Variants in CCDC186 observed in about 807,000 individuals in gnomAD.
The protein encoded by CCDC186 is coiled-coil domain-containing protein 186.
Under a neutral mutation model 113.7 loss-of-function variants are expected in CCDC186, and 49 were observed. That is an observed-to-expected ratio of 0.43 (90% CI 0.34 to 0.55). The LOEUF is 0.55. Among genes scored for constraint, CCDC186 ranks in the 20% least tolerant of loss-of-function variants. The probability of loss-of-function intolerance (pLI) is 0.02; values close to 1 mark genes in which losing one functional copy is unlikely to be tolerated. For missense variants in CCDC186, 890 were observed against 1,011.1 expected (o/e 0.88, Z 1.62); for synonymous variants, 355 against 345.8 (o/e 1.03, Z -0.30).
At chr10:114,146,246 T>G (rs764168582) in intron 4 of CCDC186, among the ~76,000 whole-genome samples, 3 of 152,200 alleles carry the variant, frequency 2.0e-5, no homozygotes, top group Non-Finnish European at 4.4e-5. Flanking sequence ...AGGTGCCCTC[T>G]CTATACAACT....
At chr10:114,145,207 C>T in intron 5 of CCDC186, among the ~76,000 whole-genome samples, 1 of 152,166 alleles carries the variant, frequency 6.6e-6, no homozygotes, top group Non-Finnish European at 1.5e-5. Flanking sequence ...TCATTTTACA[C>T]TACTATATAC....
At chr10:114,139,919 T>A (rs1447604937) in intron 6 of CCDC186, among the ~76,000 whole-genome samples, 1 of 152,162 alleles carries the variant, frequency 6.6e-6, no homozygotes, top group East Asian at 1.9e-4. Context: ...GATTCCCATA[T>A]GCCAAATAAA....
At chr10:114,143,042 G>A (rs2031529349) in intron 6 of CCDC186, among the ~76,000 whole-genome samples, 2 of 152,288 alleles carry the variant, frequency 1.3e-5, no homozygotes, top group Non-Finnish European at 2.9e-5. Flanking sequence ...ACAGTGTTAT[G>A]CACAAAGCTT....
rs2031216208 is a variant in CCDC186 at position 114,135,159 on chromosome 10, A to T, written c.1513-104T>A. On this transcript the variant is annotated intron_variant, in intron 9 of 15. Transcript: ENST00000369287. The stretch of plus-strand genomic sequence containing the variant: ...AATAATCTAAAAATTCTAAAGCACC[A>T]TTAACGTGAAGAAAATATAATGCGA... The T allele has an allele frequency of 3.0e-5, 34 of 1,126,962 alleles. 1 individual carries two copies. The South Asian group carries it at 6.8e-4, about 23-fold the overall frequency. 69.8% of individuals were successfully genotyped at this position (1,126,962 alleles called of 1,614,324 possible). A position where few individuals can be genotyped will look rare whatever the true frequency, so the allele number is the denominator to read the frequency against.
Position 114,134,898 on chromosome 10 carries a change from T to A in CCDC186, c.1655+15A>T, listed in dbSNP as rs1379572736. Reference sequence around the variant, plus strand: ...GCTTGCTTATTAATACAAACAGAAGTTGCTCATTTTGTACCTTTGAAGCTG... The same window carrying A: ...GCTTGCTTATTAATACAAACAGAAGATGCTCATTTTGTACCTTTGAAGCTG... On this transcript the variant is annotated intron_variant, in intron 10 of 15. Coordinates refer to ENST00000369287, the MANE Select transcript of CCDC186 (RefSeq NM_018017.4). 1 of 1,598,068 alleles carries A rather than the reference T, an allele frequency of 6.3e-7. No homozygotes were observed.
At chr10:114,166,672 CA>C (rs2032343554) in intron 1 of CCDC186, among the ~76,000 whole-genome samples, 1 of 152,218 alleles carries the variant, frequency 6.6e-6, no homozygotes, top group Non-Finnish European at 1.5e-5. Context: ...AAATGCTCTT[CA>C]GTGGCTATAC....
chr10:114,166,615 A>C (rs2032342338), intron 1 of CCDC186, among the ~76,000 whole-genome samples: 2 of 152,226 alleles, frequency 1.3e-5, no homozygotes, highest in Admixed American at 1.3e-4. Flanking sequence ...GACAGTAATA[A>C]TAAATCTAAC....
chr10:114,132,092 T>G lies in CCDC186; in HGVS notation c.1748A>C (p.Lys583Thr). The G allele has an allele frequency of 6.2e-7, 1 of 1,613,572 alleles. No homozygotes were observed. Among genetic ancestry groups the G allele is most frequent in the South Asian group, 1.1e-5 (1 of 91,054 alleles). The part of the protein sequence containing the change: ...DLQKDIEGSR[K>T]RESELLLFTE... ...AAACAGCAGCAGCTCAGATTCTCTT[T>G]TCCTACTGCCTTCGATGTCTTTTTG... The change falls in exon 11 of 16, where the codon AAA (lysine) becomes ACA (threonine). Residue 583 changes from lysine (K) to threonine (T), a missense_variant. Coordinates refer to ENST00000369287, the MANE Select transcript of CCDC186 (RefSeq NM_018017.4).
chr10:114,156,153 C>A (rs770462600), intron 3 of CCDC186, among the ~76,000 whole-genome samples: 7 of 152,058 alleles, frequency 4.6e-5, no homozygotes, highest in Non-Finnish European at 8.8e-5. Flanking sequence ...ATGTGGGGAC[C>A]CTAGAGCACA....
chr10:114,149,223 T>C (rs1213394325), intron 4 of CCDC186, among the ~76,000 whole-genome samples: 3 of 152,222 alleles, frequency 2.0e-5, no homozygotes, highest in Non-Finnish European at 2.9e-5. Flanking sequence ...TAAAAGTCAG[T>C]ACATCAGCTA....
At chr10:114,169,234 CTTTT>C (rs34677282) in intron 1 of CCDC186, among the ~76,000 whole-genome samples, 4 of 97,502 alleles carry the variant, frequency 4.1e-5, no homozygotes, top group South Asian at 3.6e-4. Flanking sequence ...TAGTACCATT[CTTTT>C]TTTTTTTTTT....
At chr10:114,140,838 G>T (rs1564909422) in intron 6 of CCDC186, among the ~76,000 whole-genome samples, 1 of 151,334 alleles carries the variant, frequency 6.6e-6, no homozygotes, top group Non-Finnish European at 1.5e-5. Flanking sequence ...GTATTTATAA[G>T]AGCTGCTTTA....
chr10:114,144,904 A>G (rs2031588115), intron 5 of CCDC186, among the ~76,000 whole-genome samples: 1 of 152,190 alleles, frequency 6.6e-6, no homozygotes, highest in African/African-American at 2.4e-5. Flanking sequence ...AAGGTGAAAT[A>G]TGAACTAAAT....
chr10:114,140,109 A>G (rs1322653960), intron 6 of CCDC186, among the ~76,000 whole-genome samples: 1 of 152,236 alleles, frequency 6.6e-6, no homozygotes, highest in Non-Finnish European at 1.5e-5. Context: ...CACCTTCATG[A>G]AGCTCATATT....
At chr10:114,139,337 T>C (rs2031385080) in intron 6 of CCDC186, among the ~76,000 whole-genome samples, 1 of 151,948 alleles carries the variant, frequency 6.6e-6, no homozygotes, top group African/African-American at 2.4e-5. Flanking sequence ...CCGAGGCAGA[T>C]GGATCACCTG....
intron 6 of CCDC186, 145 bp from the exon 7 acceptor site, chr10:114,137,435 C>A (rs961370129): frequency 5.2e-5 from 32 of 611,572 alleles, no homozygotes; most frequent in Middle Eastern, 5.1e-4. Flanking sequence ...ATGTTTCTGA[C>A]AAAAAATTAA....
Position 114,162,758 on chromosome 10 carries a change from A to C in CCDC186, c.511T>G (p.Leu171Val), listed in dbSNP as rs778795783. 1.2e-6 allele frequency: 2 copies of C among 1,613,850 alleles called. No individual in the cohort carries two copies. The highest frequency in any genetic ancestry group is 1.3e-5 in the African/African-American group (1 of 74,928). ...CGATGTTCTGCAAACTCCGTAGATA[A>C]GAGCTCAGATTCTATTTCTTCCAAC... is the stretch of plus-strand genomic sequence containing the variant. ...DLLEEIESEL[L>V]STEFAEHRVP... Residue 171 changes from leucine (L) to valine (V), a missense_variant, in exon 2 of 16, where the codon TTA (leucine) becomes GTA (valine). By Grantham distance (32) the Leu-to-Val change is conservative (BLOSUM62 1). Coordinates refer to ENST00000369287, the MANE Select transcript of CCDC186 (RefSeq NM_018017.4).
chr10:114,130,262 GA>G (rs1486088017), intron 12 of CCDC186: 1 of 193,272 alleles, frequency 5.2e-6, no homozygotes, highest in East Asian at 1.4e-4. Flanking sequence ...TACAGTACCA[GA>G]AATTTCTTCC....
chr10:114,125,006 AT>A lies in CCDC186; in HGVS notation c.*136del. ...CAATGCATTCATATTGTAAAAGGGT[AT>A]TTTTTTGTGTACAGATGAAGCAAAA... is the stretch of plus-strand genomic sequence containing the variant. On this transcript the variant is annotated 3_prime_UTR_variant, in exon 16 of 16. Transcript: ENST00000369287. 8.2e-6 allele frequency: 5 copies of A among 606,680 alleles called. No homozygotes were observed. The highest frequency in any genetic ancestry group is 4.9e-5 in the South Asian group (2 of 41,208). The allele number at this position is 606,680 out of a possible 1,614,324, so 37.6% of individuals were successfully genotyped here. A position where few individuals can be genotyped will look rare whatever the true frequency, so the allele number is the denominator to read the frequency against.
Sources: allele counts gnomAD v4.1 joint callset (sites outside exome capture counted in the v4.1 genomes callset), GRCh38; gene constraint gnomAD v4.1.1; transcripts MANE v1.5; gene names NCBI Gene and HGNC (gene_info 2026-07-23, HGNC 2026-07-21).